The following TPO variants were observed in gnomAD, a reference collection of about 807,000 sequenced individuals.
TPO encodes thyroid peroxidase.
In TPO, 78 loss-of-function variants were observed where a neutral mutation model predicts 96.9. That is an observed-to-expected ratio of 0.81 (90% CI 0.67 to 0.97). TPO has a LOEUF of 0.97. Among genes scored for constraint, TPO ranks in the 50% least tolerant of loss-of-function variants. The probability of loss-of-function intolerance (pLI) is 0.00; values close to 1 mark genes in which losing one functional copy is unlikely to be tolerated. For synonymous variants in TPO, 547 were observed against 538.0 expected, an observed-to-expected ratio of 1.02 and a Z score of -0.23; for missense variants, 1,252 against 1,274.8, an observed-to-expected ratio of 0.98 and a Z score of 0.27.
intron 15 of TPO, among the ~76,000 whole-genome samples, chr2:1,527,397 C>G (rs563969005): frequency 2.0e-5 from 3 of 147,390 alleles, no homozygotes; most frequent in South Asian, 2.2e-4. Context: ...CCAAATCCCC[C>G]CCACTGTGTG....
rs567077527 is a variant in TPO, at chr2:1,502,243, T to C, written c.2387-1705T>C. ...AGGAGGGGCTGGTTCCAGGGGCAGC[T>C]TTAGCCAAGAAAGACCTTCTAGGTT... On this transcript the variant is annotated intron_variant, in intron 13 of 16. Coordinates refer to ENST00000329066, the MANE Select transcript of TPO (RefSeq NM_001206744.2). 2.5e-4 allele frequency among the ~76,000 whole-genome samples: 38 copies of C among 152,260 alleles called. 1 individual carries two copies. Among genetic ancestry groups the C allele is most frequent in the Admixed American group, 1.0e-3 (16 of 15,286 alleles).
At chr2:1,540,857 C>T in intron 16 of TPO, 134 bp downstream of exon 16, 1 of 1,559,734 alleles carries the variant, frequency 6.4e-7, no homozygotes, top group Non-Finnish European at 8.7e-7. Flanking sequence ...TCTGCACCTT[C>T]CTCCGGGAGG....
At chr2:1,534,711 ACCT>A (rs554410946) in intron 15 of TPO, among the ~76,000 whole-genome samples, 650 of 130,466 alleles carry the variant, frequency 5.0e-3, no homozygotes, top group African/African-American at 0.018. Context: ...ACAGTGTGCA[ACCT>A]CCTCAATTCC....
At chr2:1,440,897 G>T (rs187902625) in intron 5 of TPO, among the ~76,000 whole-genome samples, 4 of 150,506 alleles carry the variant, frequency 2.7e-5, no homozygotes, top group Admixed American at 2.6e-4. Context: ...GCCGCAGGAG[G>T]CACTACGTTG....
intron 14 of TPO, among the ~76,000 whole-genome samples, chr2:1,515,361 T>G (rs896439455): frequency 1.3e-5 from 2 of 152,178 alleles, no homozygotes; most frequent in African/African-American, 4.8e-5. Context: ...GTGCTCAGGT[T>G]GCCCTGCAGA....
Position 1,542,453 on chromosome 2 carries a change from C to G in TPO, c.2781C>G (p.His927Gln). 6.2e-7 allele frequency: 1 copy of G among 1,614,218 alleles called. No homozygotes were observed. ...CTGGGATGGAAGGCCGGGATACTCA[C>G]AGGCTGCCGAGAGCCCTCTGAGGGC... ...ESAGMEGRDT[H>Q]RLPRAL The change falls in exon 17 of 17, where the codon CAC becomes CAG. Residue 927 changes from histidine (H) to glutamine (Q), a missense_variant. Coordinates refer to ENST00000329066, the MANE Select transcript of TPO (RefSeq NM_001206744.2).
In TPO at chr2:1,493,891, G is replaced by T; in HGVS notation, c.1858G>T (p.Asp620Tyr). 1.2e-6 allele frequency: 2 copies of T among 1,614,166 alleles called. No homozygotes were observed. The highest frequency in any genetic ancestry group is 8.5e-7 in the Non-Finnish European group (1 of 1,180,028). The part of the protein sequence containing the change: ...STAIASRSVA[D>Y]KILDLYKHPD... ...AGCCATCGCCAGCAGGAGCGTGGCC[G>T]ACAAGATCCTGGACTTGTACAAGCA... Residue 620 changes from aspartate to tyrosine, a missense_variant, in exon 11 of 17, where the codon GAC becomes TAC. Asp to Tyr is a radical substitution (Grantham distance 160, BLOSUM62 -3). Coordinates refer to ENST00000329066, the MANE Select transcript of TPO (RefSeq NM_001206744.2).
At chr2:1,507,374 T>A (rs533636250) in intron 14 of TPO, among the ~76,000 whole-genome samples, 1 of 152,322 alleles carries the variant, frequency 6.6e-6, no homozygotes, top group African/African-American at 2.4e-5. Context: ...TGGGCTCTTT[T>A]TTGGTTCCAT....
chr2:1,530,415 A>G (rs1469648817), intron 15 of TPO, among the ~76,000 whole-genome samples: 1 of 144,852 alleles, frequency 6.9e-6, no homozygotes, highest in African/African-American at 2.6e-5. Context: ...ACTGTATTCA[A>G]CCTCTCCAAA....
intron 10 of TPO, among the ~76,000 whole-genome samples, chr2:1,489,594 A>G (rs368881229): frequency 3.3e-5 from 5 of 152,338 alleles, no homozygotes; most frequent in South Asian, 4.2e-4. Context: ...CAGGGCTGTG[A>G]TCACTAGCAC....
rs554386826 is a variant in TPO, at chr2:1,479,735, GCTCCTCCTTGTCCTCCTCCTCGTCCTC to G, written c.1338+2140_1338+2166del. Among the ~76,000 whole-genome samples, 25 of 152,160 alleles carry G rather than the reference GCTCCTCCTTGTCCTCCTCCTCGTCCTC, an allele frequency of 1.6e-4. 1 individual carries two copies. The highest frequency in any genetic ancestry group is 6.8e-3 in the Middle Eastern group (2 of 294). On this transcript the variant is annotated intron_variant, in intron 8 of 16. Transcript: ENST00000329066. Reference sequence around the variant, plus strand: ...GGTTGCTGCGGCTGTGGCTGCTGCTGCTCCTCCTTGTCCTCCTCCTCGTCCTCCTCCTCCTCTTCTTCTTCTCCTTCT... The same window carrying G: ...GGTTGCTGCGGCTGTGGCTGCTGCTGCTCCTCCTCTTCTTCTTCTCCTTCT...
chr2:1,397,354 A>G (rs1662096733), intron 1 of TPO, among the ~76,000 whole-genome samples: 1 of 152,214 alleles, frequency 6.6e-6, no homozygotes, highest in South Asian at 2.1e-4. Flanking sequence ...CATGGGAGTT[A>G]CTGACTTCCA....
intron 5 of TPO, among the ~76,000 whole-genome samples, chr2:1,438,387 G>A (rs904510410): frequency 2.0e-5 from 3 of 152,124 alleles, no homozygotes; most frequent in Non-Finnish European, 2.9e-5. Context: ...GGGACTCTCC[G>A]TGGCCCGAAG....
intron 15 of TPO, among the ~76,000 whole-genome samples, chr2:1,524,737 T>C (rs1676040163): frequency 1.3e-5 from 1 of 77,044 alleles, no homozygotes; most frequent in Non-Finnish European, 2.4e-5. Context: ...TGTGCAACCT[T>C]TACAACTCTA....
chr2:1,480,879 A>G (rs1272062477), intron 8 of TPO, among the ~76,000 whole-genome samples: 1 of 70,356 alleles, frequency 1.4e-5, no homozygotes, highest in Non-Finnish European at 3.4e-5. Context: ...GGGCCCAACC[A>G]CAGCCGCCCC....
At chr2:1,465,668 G>C (rs1217106319) in intron 7 of TPO, among the ~76,000 whole-genome samples, 1 of 151,990 alleles carries the variant, frequency 6.6e-6, no homozygotes, top group Non-Finnish European at 1.5e-5. Flanking sequence ...ATTGTAGAAG[G>C]GGTTGAGTTC....
At chr2:1,499,207 C>T (rs142269594) in intron 13 of TPO, among the ~76,000 whole-genome samples, 56 of 152,174 alleles carry the variant, frequency 3.7e-4, no homozygotes, top group East Asian at 9.7e-4. Context: ...GCCCCCTGTG[C>T]GCGTGCCCTC....
chr2:1,478,306 A>C (rs751199015), intron 8 of TPO: 299 of 985,288 alleles, frequency 3.0e-4, no homozygotes, highest in Non-Finnish European at 3.5e-4. Flanking sequence ...AGGAAGAAGG[A>C]TGGGCTGTTT....
intron 1 of TPO, among the ~76,000 whole-genome samples, chr2:1,388,999 G>A (rs1449861924): frequency 2.6e-5 from 4 of 152,204 alleles, no homozygotes; most frequent in Non-Finnish European, 5.9e-5. Flanking sequence ...TTCTAAATAA[G>A]TGAACAATTA....
Sources: gnomAD v4.1 joint callset for allele counts (sites outside exome capture counted in the v4.1 genomes callset) on GRCh38, gnomAD v4.1.1 for gene constraint, MANE v1.5 for transcripts, NCBI Gene and HGNC (gene_info 2026-07-23, HGNC 2026-07-21) for gene names.